SNRPE: variants seen among roughly 807,000 people sequenced by gnomAD.
SNRPE encodes the protein small nuclear ribonucleoprotein E.
For synonymous variants in SNRPE, 35 were observed against 36.7 expected, an observed-to-expected ratio of 0.95 and a Z score of 0.17; for missense variants, 53 against 111.6, an observed-to-expected ratio of 0.48 and a Z score of 2.36.
chr1:203,864,876 C>CAA (rs61506397), intron 3 of SNRPE, among the ~76,000 whole-genome samples, 165 bp from the exon 4 acceptor site: 1,663 of 118,902 alleles, frequency 0.014, 57 homozygotes, highest in East Asian at 0.044. Flanking sequence ...GATCCTTTCT[C>CAA]AAAAAAAAAA....
chr1:203,862,819 A>C (rs1337485558), intron 2 of SNRPE, among the ~76,000 whole-genome samples: 1 of 152,126 alleles, frequency 6.6e-6, no homozygotes, highest in Non-Finnish European at 1.5e-5. Context: ...CTCCTGTCCT[A>C]GTTGTTAGGT....
At chr1:203,863,109 C>A (rs932985351) in intron 2 of SNRPE, among the ~76,000 whole-genome samples, 1 of 145,548 alleles carries the variant, frequency 6.9e-6, no homozygotes, top group African/African-American at 2.6e-5. Flanking sequence ...TTTTGACTTA[C>A]ATTCATTACA....
At chr1:203,869,323 TG>T (rs1690164765) in intron 4 of SNRPE, among the ~76,000 whole-genome samples, 5 of 77,488 alleles carry the variant, frequency 6.5e-5, no homozygotes, top group African/African-American at 1.6e-4. Context: ...TTTTTTTTTT[TG>T]GAGATGAATT....
At chr1:203,862,949 G>A (rs896595239) in intron 2 of SNRPE, among the ~76,000 whole-genome samples, 15 of 151,982 alleles carry the variant, frequency 9.9e-5, no homozygotes, top group African/African-American at 3.6e-4. Flanking sequence ...AATAGATTGA[G>A]ACCAGAAGCA....
Position 203,870,111 on chromosome 1 carries a change from G to C in SNRPE, c.*179G>C. 4.0e-6 allele frequency: 2 copies of C among 498,194 alleles called. No individual in the cohort carries two copies. The highest frequency in any genetic ancestry group is 7.1e-6 in the Non-Finnish European group (2 of 283,628). 30.9% of individuals were successfully genotyped at this position (498,194 alleles called of 1,614,324 possible). A position where few individuals can be genotyped will look rare whatever the true frequency, so the allele number is the denominator to read the frequency against. Reference sequence around the variant, plus strand: ...TTACATTGCTTCTTACTATTCAGCAGTAGAAACTTTTTACACAGTAACACC... The same window carrying C: ...TTACATTGCTTCTTACTATTCAGCACTAGAAACTTTTTACACAGTAACACC... On this transcript the variant is annotated 3_prime_UTR_variant, in exon 5 of 5. Coordinates refer to ENST00000414487, the MANE Select transcript of SNRPE (RefSeq NM_003094.4).
chr1:203,870,836 T>C lies in SNRPE; in HGVS notation c.*904T>C, dbSNP rs1690201307. Among the ~76,000 whole-genome samples the C allele has an allele frequency of 6.6e-6, 1 of 152,250 alleles. No individual in the cohort carries two copies. The highest frequency in any genetic ancestry group is 2.1e-4 in the South Asian group (1 of 4,836). ...CAGACAGGTAAGCAGGTGGTTTTAATGCCTCATTCTAAGTGCTATTTAAAT... is the reference window on the plus strand; with the variant it reads ...CAGACAGGTAAGCAGGTGGTTTTAACGCCTCATTCTAAGTGCTATTTAAAT... On this transcript the variant is annotated 3_prime_UTR_variant, in exon 5 of 5. Transcript: ENST00000414487.
intron 3 of SNRPE, 70 bp downstream of exon 3, chr1:203,863,795 C>A: frequency 1.9e-6 from 2 of 1,056,726 alleles, no homozygotes; most frequent in Non-Finnish European, 2.9e-6. Flanking sequence ...AAGTGTCTAG[C>A]CAGAACAGTG....
intron 3 of SNRPE, among the ~76,000 whole-genome samples, 165 bp from the exon 4 acceptor site, chr1:203,864,876 C>CAAAAAAA (rs61506397): frequency 2.5e-5 from 3 of 119,300 alleles, no homozygotes; most frequent in South Asian, 2.9e-4. Context: ...GATCCTTTCT[C>CAAAAAAA]AAAAAAAAAA....
At position 203,870,571 on chromosome 1, in the gene SNRPE, A is replaced by G. The variant is rs1471746692; in HGVS notation, c.*639A>G. On this transcript the variant is annotated 3_prime_UTR_variant, in exon 5 of 5. Transcript: ENST00000414487. ...AAGAGACTGAGATTGGTAATCTGAAAAGGACCACAAGCATAGCTGGTAGGC... is the reference window on the plus strand; with the variant it reads ...AAGAGACTGAGATTGGTAATCTGAAGAGGACCACAAGCATAGCTGGTAGGC... The G allele has an allele frequency of 2.6e-5, 4 of 152,240 alleles. No homozygotes were observed. The highest frequency in any genetic ancestry group is 9.6e-5 in the African/African-American group (4 of 41,464). 9.4% of individuals were successfully genotyped at this position (152,240 alleles called of 1,614,324 possible).
At position 203,870,897 on chromosome 1, in the gene SNRPE, TC is replaced by T. The variant is rs1401929951; in HGVS notation, c.*966del. On this transcript the variant is annotated 3_prime_UTR_variant, in exon 5 of 5. Coordinates refer to ENST00000414487, the MANE Select transcript of SNRPE (RefSeq NM_003094.4). ...AAGATGAATAAGGCCTGCCTTAAGT[TC>T]TGCTAAAGGCCATGTTGTTATTAAG... is the stretch of plus-strand genomic sequence containing the variant. Among the ~76,000 whole-genome samples, 3 of 152,242 alleles carry T rather than the reference TC, an allele frequency of 2.0e-5. No individual in the cohort carries two copies. The highest frequency in any genetic ancestry group is 4.4e-5 in the Non-Finnish European group (3 of 68,044).
At chr1:203,866,152 CGTT>C (rs1364157276) in intron 4 of SNRPE, among the ~76,000 whole-genome samples, 8 of 152,274 alleles carry the variant, frequency 5.3e-5, no homozygotes, top group Admixed American at 2.6e-4. Context: ...CATGCTGAAA[CGTT>C]GTAGGGGCTG....
rs1008753992 is a variant in SNRPE at position 203,865,146 on chromosome 1, T to C, written c.223+27T>C. On this transcript the variant is annotated intron_variant, in intron 4 of 4. Coordinates refer to ENST00000414487, the MANE Select transcript of SNRPE (RefSeq NM_003094.4). ...TAAGGATAGAAGTGGTCTTACAGAA[T>C]TCTAGAAATATTTTATTCACTTGCA... 10 of 1,576,330 alleles carry C rather than the reference T, an allele frequency of 6.3e-6. No individual in the cohort carries two copies. The Admixed American group carries it at 1.1e-4, about 17-fold the overall frequency.
rs1690206579 is a variant in SNRPE, at chr1:203,871,090, C to G, written c.*1158C>G. 6.6e-6 allele frequency among the ~76,000 whole-genome samples: 1 copy of G among 152,204 alleles called. No homozygotes were observed. Among genetic ancestry groups the G allele is most frequent in the African/African-American group, 2.4e-5 (1 of 41,436 alleles). ...AACCATGCATTCCATCTATATTCCT[C>G]CTGTCTGAACTCATGCTCTTTTGAT... On this transcript the variant is annotated 3_prime_UTR_variant, in exon 5 of 5. Coordinates refer to ENST00000414487, the MANE Select transcript of SNRPE (RefSeq NM_003094.4).
intron 3 of SNRPE, among the ~76,000 whole-genome samples, chr1:203,864,131 T>C (rs3201364): frequency 2.0e-5 from 3 of 152,108 alleles, no homozygotes; most frequent in Non-Finnish European, 2.9e-5. Context: ...AATTTTTATT[T>C]TTTATAGAGA....
In SNRPE at chr1:203,865,138, T is replaced by C; in HGVS notation, c.223+19T>C. The C allele has an allele frequency of 6.3e-7, 1 of 1,591,598 alleles. No individual in the cohort carries two copies. The highest frequency in any genetic ancestry group is 8.6e-7 in the Non-Finnish European group (1 of 1,166,174). On this transcript the variant is annotated intron_variant, in intron 4 of 4. Transcript: ENST00000414487. ...CAACTGGGTAAGGATAGAAGTGGTC[T>C]TACAGAATTCTAGAAATATTTTATT...
chr1:203,868,710 C>T (rs1203983125), intron 4 of SNRPE, among the ~76,000 whole-genome samples: 1 of 152,120 alleles, frequency 6.6e-6, no homozygotes, highest in South Asian at 2.1e-4. Flanking sequence ...CACTCTGTCT[C>T]CCAGGCTTGA....
At chr1:203,869,533 G>T (rs1245675942) in intron 4 of SNRPE, among the ~76,000 whole-genome samples, 1 of 151,920 alleles carries the variant, frequency 6.6e-6, no homozygotes, top group African/African-American at 2.4e-5. Flanking sequence ...TTTAAGAATG[G>T]AGTTATAATA....
At chr1:203,866,006 A>G (rs1690079464) in intron 4 of SNRPE, among the ~76,000 whole-genome samples, 2 of 148,764 alleles carry the variant, frequency 1.3e-5, no homozygotes, top group African/African-American at 2.5e-5. Flanking sequence ...TGTAAGCTTC[A>G]TTATGTAGGC....
intron 4 of SNRPE, among the ~76,000 whole-genome samples, chr1:203,867,172 C>G (rs531615893): frequency 4.8e-4 from 71 of 149,054 alleles, no homozygotes; most frequent in African/African-American, 1.7e-3. Context: ...TCCAGCTACT[C>G]GGGAGGCTGA....
Sources: allele counts gnomAD v4.1 joint callset (sites outside exome capture counted in the v4.1 genomes callset), GRCh38; gene constraint gnomAD v4.1.1; transcripts MANE v1.5; gene names NCBI Gene and HGNC (gene_info 2026-07-23, HGNC 2026-07-21).